Variants in DPM1 observed in about 807,000 individuals in gnomAD.
The protein encoded by DPM1 is dolichol-phosphate mannosyltransferase subunit 1.
In DPM1, 27 loss-of-function variants were observed where a neutral mutation model predicts 39.0. The observed-to-expected ratio is 0.69, with a 90% CI of 0.51 to 0.95. DPM1 has a LOEUF of 0.95. DPM1 is among the 40% of genes least tolerant of loss of function. The pLI, the probability that DPM1 is intolerant of heterozygous loss-of-function variation, is 0.00. For missense variants in DPM1, 307 were observed against 315.6 expected, an observed-to-expected ratio of 0.97 and a Z score of 0.21; for synonymous variants, 124 against 109.0, an observed-to-expected ratio of 1.14 and a Z score of -0.86.
intron 7 of DPM1, 140 bp from the exon 8 acceptor site, chr20:50,936,402 G>T: frequency 1.6e-6 from 1 of 606,094 alleles, no homozygotes. Context: ...TCGCACACTT[G>T]ATGATTATGA....
At chr20:50,945,642 G>T in intron 5 of DPM1, 95 bp downstream of exon 5, 1 of 1,157,382 alleles carries the variant, frequency 8.6e-7, no homozygotes, top group Non-Finnish European at 1.3e-6. Context: ...AATAGTATGT[G>T]TATTTTTGAT....
chr20:50,957,853 T>C (rs1001747661), intron 1 of DPM1, among the ~76,000 whole-genome samples: 1 of 151,972 alleles, frequency 6.6e-6, no homozygotes, highest in African/African-American at 2.4e-5. Context: ...ACACCAAACA[T>C]CCACCAGTGA....
intron 8 of DPM1, 76 bp from the exon 9 acceptor site, chr20:50,935,312 C>T (rs1266955516): frequency 4.5e-6 from 4 of 882,604 alleles, no homozygotes; most frequent in Non-Finnish European, 7.6e-6. Flanking sequence ...ACATTACCAA[C>T]ACAACAGAAA....
At chr20:50,937,580 G>T (rs552340092) in intron 7 of DPM1, among the ~76,000 whole-genome samples, 18 of 152,044 alleles carry the variant, frequency 1.2e-4, no homozygotes, top group African/African-American at 3.9e-4. Flanking sequence ...ATACTGATGG[G>T]ACTATGTTTC....
chr20:50,936,740 C>A (rs891819117), intron 7 of DPM1, among the ~76,000 whole-genome samples: 2 of 152,170 alleles, frequency 1.3e-5, no homozygotes, highest in African/African-American at 4.8e-5. Flanking sequence ...GTTTTGATTT[C>A]TCATGATTTC....
At chr20:50,956,389 G>A (rs1029895888) in intron 1 of DPM1, among the ~76,000 whole-genome samples, 1 of 152,060 alleles carries the variant, frequency 6.6e-6, no homozygotes, top group African/African-American at 2.4e-5. Context: ...GGATCACGAG[G>A]TCAGGATATC....
chr20:50,954,543 C>T (rs879194945), intron 2 of DPM1, among the ~76,000 whole-genome samples: 6 of 151,942 alleles, frequency 3.9e-5, no homozygotes, highest in African/African-American at 1.2e-4. Flanking sequence ...AAATACAAAC[C>T]GGTAACCAAA....
In DPM1 at chr20:50,955,282, T is replaced by C. The variant is rs745785342; in HGVS notation, c.165A>G (p.Gly55=). ...CTATGATTATAATTTCATAGTTGAT[T>C]CCACTAAAAAAATTAAATTTGTATT... ...WLLVKSFSES[G]INYEIIIIDD... The change falls in exon 2 of 9, where the codon GGA becomes GGG. Residue 55 remains glycine, a synonymous_variant. Coordinates refer to ENST00000371588, the MANE Select transcript of DPM1 (RefSeq NM_003859.3). 1 of 1,609,144 alleles carries C rather than the reference T, an allele frequency of 6.2e-7. No homozygotes were observed. Among genetic ancestry groups the C allele is most frequent in the Non-Finnish European group, 8.5e-7 (1 of 1,176,566 alleles).
rs375057489 is a variant in DPM1 at position 50,955,175 on chromosome 20, T to C, written c.261+11A>G. The C allele has an allele frequency of 1.3e-6, 2 of 1,595,460 alleles. No individual in the cohort carries two copies. The highest frequency in any genetic ancestry group is 1.7e-6 in the Non-Finnish European group (2 of 1,164,420). On this transcript the variant is annotated intron_variant, in intron 2 of 8. Coordinates refer to ENST00000371588, the MANE Select transcript of DPM1 (RefSeq NM_003859.3). ...CAATTCATATCACAGAAAAATGTTC[T>C]TATAACTTACAATTCTGTCTGACCC...
In DPM1 at chr20:50,935,105, A is replaced by C. The variant is rs1475773537; in HGVS notation, c.*27T>G. On this transcript the variant is annotated 3_prime_UTR_variant, in exon 9 of 9. Transcript: ENST00000371588. The stretch of plus-strand genomic sequence containing the variant: ...TTCTTTCATGTTTAACCTGAAATGA[A>C]CGTAACTATAAATGAGTATCTTTCT... The C allele has an allele frequency of 1.6e-6, 2 of 1,283,894 alleles. No homozygotes were observed. Among genetic ancestry groups the C allele is most frequent in the Non-Finnish European group, 2.3e-6 (2 of 881,278 alleles). 79.5% of individuals were successfully genotyped at this position (1,283,894 alleles called of 1,614,324 possible).
chr20:50,940,249 G>A (rs1211681187), intron 7 of DPM1, among the ~76,000 whole-genome samples: 1 of 151,830 alleles, frequency 6.6e-6, no homozygotes, highest in East Asian at 1.9e-4. Context: ...GGGGCTTGGG[G>A]GTCACTAAAG....
intron 3 of DPM1, among the ~76,000 whole-genome samples, chr20:50,947,116 G>A (rs2123119771): frequency 6.6e-6 from 1 of 152,212 alleles, no homozygotes; most frequent in South Asian, 2.1e-4. Flanking sequence ...GCTGAGGCAG[G>A]AGAATCGCTT....
rs1601028563 is a variant in DPM1, at chr20:50,940,743, T to A, written c.563+122A>T. On this transcript the variant is annotated intron_variant, in intron 7 of 8. Coordinates refer to ENST00000371588, the MANE Select transcript of DPM1 (RefSeq NM_003859.3). ...CATTAGCAACTTCTAGGAATTTTAG[T>A]CTGCCTTTTTAGTATCCCAGAATAA... 7.3e-6 allele frequency: 6 copies of A among 826,910 alleles called. No individual in the cohort carries two copies. In the East Asian group the frequency reaches 1.5e-4, roughly 21 times the overall value. The allele number at this position is 826,910 out of a possible 1,614,324, so 51.2% of individuals were successfully genotyped here. A position where few individuals can be genotyped will look rare whatever the true frequency, so the allele number is the denominator to read the frequency against.
At chr20:50,936,365 T>C in intron 7 of DPM1, 103 bp from the exon 8 acceptor site, 1 of 743,030 alleles carries the variant, frequency 1.3e-6, no homozygotes, top group Non-Finnish European at 2.3e-6. Flanking sequence ...CCTAAAACTT[T>C]CACTGGCCAT....
At chr20:50,948,503 A>T in intron 3 of DPM1, 126 bp downstream of exon 3, 2 of 948,884 alleles carry the variant, frequency 2.1e-6, no homozygotes, top group Non-Finnish European at 3.5e-6. Context: ...AAATGTCATT[A>T]AGATCATTAA....
At chr20:50,949,243 G>A (rs1986458451) in intron 2 of DPM1, among the ~76,000 whole-genome samples, 1 of 152,080 alleles carries the variant, frequency 6.6e-6, no homozygotes, top group South Asian at 2.1e-4. Flanking sequence ...TTTTAAATAT[G>A]TCTTTACATC....
At chr20:50,950,685 C>T (rs149435158) in intron 2 of DPM1, among the ~76,000 whole-genome samples, 3 of 152,158 alleles carry the variant, frequency 2.0e-5, no homozygotes, top group African/African-American at 7.2e-5. Flanking sequence ...GCTTGGCCAA[C>T]GTGGTGAGAC....
chr20:50,947,195 C>T (rs1230676603), intron 3 of DPM1, among the ~76,000 whole-genome samples: 8 of 151,522 alleles, frequency 5.3e-5, no homozygotes, highest in African/African-American at 1.5e-4. Context: ...GCAAGAAGAG[C>T]GAAACTCCGT....
chr20:50,955,088 T>C (rs1276765456), intron 2 of DPM1, 98 bp downstream of exon 2: 2 of 1,017,412 alleles, frequency 2.0e-6, no homozygotes, highest in Admixed American at 2.0e-5. Flanking sequence ...ATCTTTTCAG[T>C]TTCTAAACAA....
Sources: gnomAD v4.1 joint callset for allele counts (sites outside exome capture counted in the v4.1 genomes callset) on GRCh38, gnomAD v4.1.1 for gene constraint, MANE v1.5 for transcripts, NCBI Gene and HGNC (gene_info 2026-07-23, HGNC 2026-07-21) for gene names.